The following CLK3 variants were observed in gnomAD, a reference collection of about 807,000 sequenced individuals.
CLK3 encodes the protein dual specificity protein kinase CLK3.
Under a neutral mutation model 65.2 loss-of-function variants are expected in CLK3, and 24 were observed. The observed-to-expected ratio is 0.37, with a 90% CI of 0.27 to 0.52. The LOEUF (loss-of-function observed/expected upper bound fraction) is 0.52, where lower values mean the gene tolerates loss of function less well. Among genes scored for constraint, CLK3 ranks in the 20% least tolerant of loss-of-function variants. CLK3 has a pLI of 0.92. For missense variants in CLK3, 506 were observed against 660.0 expected, an observed-to-expected ratio of 0.77 and a Z score of 2.56; for synonymous variants, 252 against 240.8, an observed-to-expected ratio of 1.05 and a Z score of -0.43.
chr15:74,615,333 GCA>G (rs2062043743), upstream of CLK3: 3 of 969,114 alleles, frequency 3.1e-6, no homozygotes, highest in South Asian at 1.0e-4. Flanking sequence ...CAAAAAACCC[GCA>G]CACACCAAGA....
At chr15:74,628,549 T>C (rs750080731) in intron 10 of CLK3, 55 bp from the exon 11 acceptor site, 1 of 1,328,108 alleles carries the variant, frequency 7.5e-7, no homozygotes, top group South Asian at 1.3e-5. Context: ...CTTTTTCTCC[T>C]TGAAGGGGCC....
At position 74,629,808 on chromosome 15, in the gene CLK3, C is replaced by A; in HGVS notation, c.1398C>A (p.Ala466=). ...DPAQRITLAE[A]LLHPFFAGLT... ...CCCAGCGCATCACACTGGCCGAGGC[C>A]CTGCTGCACCCCTTCTTTGCTGGCC... The change falls in exon 13 of 13, where the codon GCC becomes GCA. Residue 466 remains alanine, a synonymous_variant. Transcript: ENST00000395066. The A allele has an allele frequency of 6.2e-7, 1 of 1,613,194 alleles. No homozygotes were observed. Among genetic ancestry groups the A allele is most frequent in the Non-Finnish European group, 8.5e-7 (1 of 1,179,596 alleles).
At chr15:74,626,729 A>G (rs567801512) in intron 7 of CLK3, among the ~76,000 whole-genome samples, 4 of 152,160 alleles carry the variant, frequency 2.6e-5, no homozygotes, top group Non-Finnish European at 5.9e-5. Context: ...GTGGTGGGCC[A>G]CATAGTTGTG....
intron 7 of CLK3, chr15:74,626,938 T>G (rs1320559927): frequency 2.2e-6 from 1 of 455,450 alleles, no homozygotes; most frequent in East Asian, 6.9e-5. Flanking sequence ...TGCCACCACC[T>G]TAATATTCTT....
chr15:74,617,864 C>T (rs947092811), intron 1 of CLK3, among the ~76,000 whole-genome samples: 6 of 152,230 alleles, frequency 3.9e-5, no homozygotes, highest in African/African-American at 1.4e-4. Context: ...AAATATTAGT[C>T]AGCTGATTAC....
At chr15:74,609,074 A>C (rs1403324770) in intron 1 of CLK3, among the ~76,000 whole-genome samples, 1 of 152,210 alleles carries the variant, frequency 6.6e-6, no homozygotes, top group Non-Finnish European at 1.5e-5. Context: ...AGCTGCTCCA[A>C]GCAGGCCCCT....
At position 74,630,070 on chromosome 15, in the gene CLK3, C is replaced by T; in HGVS notation, c.*187C>T. ...CCAGAAAGCACAGATTTGACCCAAG[C>T]TATTTATATGTTATAAAGTTATAAT... On this transcript the variant is annotated 3_prime_UTR_variant, in exon 13 of 13. Coordinates refer to ENST00000395066, the MANE Select transcript of CLK3 (RefSeq NM_001130028.2). 1.7e-6 allele frequency: 1 copy of T among 598,484 alleles called. No homozygotes were observed. Among genetic ancestry groups the T allele is most frequent in the South Asian group, 2.1e-5 (1 of 46,798 alleles). The allele number at this position is 598,484 out of a possible 1,614,324, so 37.1% of individuals were successfully genotyped here.
chr15:74,627,946 G>C lies in CLK3; in HGVS notation c.1043-24G>C. On this transcript the variant is annotated intron_variant, in intron 9 of 12. Coordinates refer to ENST00000395066, the MANE Select transcript of CLK3 (RefSeq NM_001130028.2). This position sits in a 1 kb window ranked among gnomAD's most constrained non-coding sequence, Gnocchi z 4.3. The stretch of plus-strand genomic sequence containing the variant: ...TGGAAGCATAAGGCCGGATCTCACA[G>C]CCTCTCCCCATCTTGGCTTGCAGAG... 1.9e-6 allele frequency: 3 copies of C among 1,577,684 alleles called. No homozygotes were observed. Among genetic ancestry groups the C allele is most frequent in the Non-Finnish European group, 2.6e-6 (3 of 1,146,814 alleles).
upstream of CLK3, chr15:74,615,667 C>A: frequency 1.6e-6 from 2 of 1,245,858 alleles, no homozygotes; most frequent in Non-Finnish European, 1.0e-6. Flanking sequence ...TCGGCCCTCC[C>A]GGAACTAGTC....
intron 1 of CLK3, 175 bp downstream of exon 1, chr15:74,616,073 C>A: frequency 6.1e-6 from 3 of 490,422 alleles, no homozygotes; most frequent in Non-Finnish European, 9.6e-6. Context: ...CCCCGGAGGG[C>A]GGTCACTGCA....
intron 6 of CLK3, 29 bp from the exon 7 acceptor site, chr15:74,625,773 C>G (rs769117756): frequency 1.2e-6 from 2 of 1,613,054 alleles, no homozygotes. Context: ...CAGCACACAG[C>G]CTGAGCCCTG....
At chr15:74,620,254 G>T in intron 3 of CLK3, 29 bp downstream of exon 3, 1 of 1,612,038 alleles carries the variant, frequency 6.2e-7, no homozygotes, top group South Asian at 1.1e-5. Context: ...GTGCTGGCTG[G>T]GGCTTAAAGG....
At chr15:74,626,508 C>T (rs955257665) in intron 7 of CLK3, among the ~76,000 whole-genome samples, 6 of 152,362 alleles carry the variant, frequency 3.9e-5, no homozygotes, top group East Asian at 1.9e-4. Flanking sequence ...CCGCATCGCT[C>T]CCCTACCCTG....
In CLK3 at chr15:74,621,223, C is replaced by T. The variant is rs568828448; in HGVS notation, c.370-897C>T. The T allele has an allele frequency of 2.0e-5, 3 of 152,942 alleles. No homozygotes were observed. The South Asian group carries it at 6.2e-4, about 32-fold the overall frequency. The allele number at this position is 152,942 out of a possible 1,614,324, so 9.5% of individuals were successfully genotyped here. ...CCTTTCACCTCTTTGCACACTGCCA[C>T]ATGCTGCCACAGGATGGCAGTGCAG... On this transcript the variant is annotated intron_variant, in intron 3 of 12. Coordinates refer to ENST00000395066, the MANE Select transcript of CLK3 (RefSeq NM_001130028.2). The surrounding 1 kb of genome is among the most constrained non-coding windows in gnomAD (Gnocchi z 4.8).
chr15:74,615,929 C>T, intron 1 of CLK3, 31 bp downstream of exon 1: 1 of 1,237,548 alleles, frequency 8.1e-7, no homozygotes. Context: ...GCGGCGGCGA[C>T]AGCGGCGGCG....
At chr15:74,615,260 T>C (rs917809054), upstream of CLK3, 10 of 441,074 alleles carry the variant, frequency 2.3e-5, no homozygotes, top group Non-Finnish European at 1.1e-5. Flanking sequence ...AGAGTAGCTC[T>C]AGGGTATCTT....
upstream of CLK3, among the ~76,000 whole-genome samples, chr15:74,613,818 GCCT>G (rs980118104): frequency 6.6e-6 from 1 of 152,136 alleles, no homozygotes; most frequent in Non-Finnish European, 1.5e-5. Flanking sequence ...CACCAGAGAG[GCCT>G]CCTACTCCAC....
chr15:74,622,327 A>G lies in CLK3; in HGVS notation c.466+111A>G. On this transcript the variant is annotated intron_variant, in intron 4 of 12. Transcript: ENST00000395066. The surrounding 1 kb of genome is among the most constrained non-coding windows in gnomAD (Gnocchi z 4.6). ...GTGCGCGTGGTGCCTTAGCGGGGCCACCAGTAATTGCCTGAATGACACAGA... is the reference window on the plus strand; with the variant it reads ...GTGCGCGTGGTGCCTTAGCGGGGCCGCCAGTAATTGCCTGAATGACACAGA... 2 of 1,106,882 alleles carry G rather than the reference A, an allele frequency of 1.8e-6. No individual in the cohort carries two copies. Among genetic ancestry groups the G allele is most frequent in the Non-Finnish European group, 2.7e-6 (2 of 749,694 alleles). The allele number at this position is 1,106,882 out of a possible 1,614,324, so 68.6% of individuals were successfully genotyped here.
chr15:74,617,350 C>T (rs2062068755), intron 1 of CLK3, among the ~76,000 whole-genome samples: 1 of 152,186 alleles, frequency 6.6e-6, no homozygotes, highest in African/African-American at 2.4e-5. Flanking sequence ...TGAAGTGTTA[C>T]CTGGAACTTT....
Sources: allele counts gnomAD v4.1 joint callset (sites outside exome capture counted in the v4.1 genomes callset), GRCh38; gene constraint gnomAD v4.1.1; non-coding constraint Gnocchi (gnomAD v3.1); transcripts MANE v1.5; gene names NCBI Gene and HGNC (gene_info 2026-07-23, HGNC 2026-07-21).